Variants in SH3RF2 observed in about 807,000 individuals in gnomAD.
SH3RF2 encodes the protein E3 ubiquitin-protein ligase SH3RF2.
In SH3RF2, 43 loss-of-function variants were observed where a neutral mutation model predicts 59.0. The observed-to-expected ratio is 0.73, with a 90% CI of 0.57 to 0.94. The LOEUF (loss-of-function observed/expected upper bound fraction) is 0.94. SH3RF2 is among the 40% of genes least tolerant of loss of function. The pLI, the probability that SH3RF2 is intolerant of heterozygous loss-of-function variation, is 0.00. For missense variants in SH3RF2, 930 were observed against 940.1 expected (o/e 0.99, Z 0.14); for synonymous variants, 391 against 391.5 (o/e 1.00, Z 0.01).
chr5:146,050,300 G>A (rs1317576035), intron 7 of SH3RF2, among the ~76,000 whole-genome samples: 3 of 152,172 alleles, frequency 2.0e-5, no homozygotes, highest in Admixed American at 2.0e-4. Flanking sequence ...TCTTGGTTCA[G>A]TAAACCAAGA....
chr5:145,963,823 TTTTTTG>T (rs1452766933), intron 2 of SH3RF2, among the ~76,000 whole-genome samples: 26 of 148,978 alleles, frequency 1.7e-4, no homozygotes, highest in Admixed American at 1.6e-3. Context: ...TCTTTCTTTC[TTTTTTG>T]TTTTTTTTTT....
intron 4 of SH3RF2, among the ~76,000 whole-genome samples, chr5:146,008,109 A>T (rs1760721757): frequency 6.6e-6 from 1 of 152,238 alleles, no homozygotes; most frequent in Admixed American, 6.5e-5. Context: ...GTGATAAAAC[A>T]AAGGCTGAGC....
intron 9 of SH3RF2, among the ~76,000 whole-genome samples, chr5:146,073,161 G>A (rs963228614): frequency 7.2e-5 from 11 of 152,326 alleles, no homozygotes; most frequent in African/African-American, 2.6e-4. Context: ...CAGATAAGCT[G>A]GTCAACGGTG....
intron 9 of SH3RF2, among the ~76,000 whole-genome samples, chr5:146,070,083 G>A (rs1763201031): frequency 6.6e-6 from 1 of 151,670 alleles, no homozygotes; most frequent in Admixed American, 6.6e-5. Flanking sequence ...TACATACATT[G>A]TGTCATTTAA....
At chr5:146,008,632 T>C (rs1760746838) in intron 4 of SH3RF2, among the ~76,000 whole-genome samples, 1 of 152,196 alleles carries the variant, frequency 6.6e-6, no homozygotes, top group Admixed American at 6.5e-5. Context: ...TTTTTATTTC[T>C]TTTTTATTTA....
At chr5:145,999,900 C>A (rs2149983140) in intron 2 of SH3RF2, among the ~76,000 whole-genome samples, 158 bp from the exon 3 acceptor site, 1 of 152,226 alleles carries the variant, frequency 6.6e-6, no homozygotes, top group East Asian at 1.9e-4. Context: ...CGCTGATAGA[C>A]CTATTTAACA....
intron 4 of SH3RF2, among the ~76,000 whole-genome samples, chr5:146,012,975 CT>C (rs368721283): frequency 3.3e-4 from 49 of 148,840 alleles, no homozygotes; most frequent in East Asian, 7.8e-4. Context: ...TTTCTTGTTA[CT>C]TTTTTTTTTG....
intron 5 of SH3RF2, among the ~76,000 whole-genome samples, chr5:146,022,896 C>G (rs1159363676): frequency 6.6e-6 from 1 of 150,812 alleles, no homozygotes; most frequent in Non-Finnish European, 1.5e-5. Context: ...CACACACACA[C>G]ACACACACAC....
chr5:146,057,926 G>GTCTCTC (rs1561768225), intron 8 of SH3RF2, among the ~76,000 whole-genome samples: 1 of 136,996 alleles, frequency 7.3e-6, no homozygotes, highest in Non-Finnish European at 1.5e-5. Context: ...TGGGCTGTTA[G>GTCTCTC]TGTCTCTCTC....
intron 2 of SH3RF2, among the ~76,000 whole-genome samples, chr5:145,954,707 A>G (rs959291211): frequency 6.6e-6 from 1 of 152,186 alleles, no homozygotes; most frequent in African/African-American, 2.4e-5. Flanking sequence ...TAGAGAATGG[A>G]TAATTTATAA....
rs1760453643 is a variant in SH3RF2, at chr5:146,002,419, C to G, written c.649-1639C>G. Among the ~76,000 whole-genome samples, 4 of 150,346 alleles carry G rather than the reference C, an allele frequency of 2.7e-5. No individual in the cohort carries two copies. The Admixed American group carries it at 2.7e-4, about 10-fold the overall frequency. Reference sequence around the variant, plus strand: ...TGAGCCAAGTTCGCGCCATTGCACTCCAGCCTGGGCAACAGAGCGAGACTC... The same window carrying G: ...TGAGCCAAGTTCGCGCCATTGCACTGCAGCCTGGGCAACAGAGCGAGACTC... On this transcript the variant is annotated intron_variant, in intron 3 of 9. Coordinates refer to ENST00000359120, the MANE Select transcript of SH3RF2 (RefSeq NM_152550.4).
At position 146,000,310 on chromosome 5, in the gene SH3RF2, T is replaced by G. The variant is rs1197373467; in HGVS notation, c.631T>G (p.Cys211Gly). 6.2e-7 allele frequency: 1 copy of G among 1,613,190 alleles called. No homozygotes were observed. Among genetic ancestry groups the G allele is most frequent in the African/African-American group, 1.3e-5 (1 of 74,902 alleles). The change falls in exon 3 of 10, where the codon TGC becomes GGC. Residue 211 changes from cysteine to glycine, a missense_variant. Transcript: ENST00000359120. ...RGKDKSENQD[C>G]LTFLKDDIIT... ...CAAGGACAAGAGTGAGAACCAGGAT[T>G]GCCTGACCTTCCTCAAGGTAGGATT...
chr5:146,014,845 T>C (rs1463242006), intron 5 of SH3RF2, among the ~76,000 whole-genome samples: 2 of 152,182 alleles, frequency 1.3e-5, no homozygotes, highest in Non-Finnish European at 2.9e-5. Context: ...TGAAGACGCG[T>C]AGGGGTGGTC....
intron 2 of SH3RF2, among the ~76,000 whole-genome samples, chr5:145,996,194 G>C (rs528601978): frequency 6.6e-6 from 1 of 152,116 alleles, no homozygotes; most frequent in African/African-American, 2.4e-5. Flanking sequence ...TGATCATTGC[G>C]GATTCAGGAG....
downstream of SH3RF2, among the ~76,000 whole-genome samples, chr5:146,064,858 A>T (rs1763060986): frequency 3.3e-5 from 1 of 30,418 alleles, no homozygotes; most frequent in African/African-American, 6.2e-5. Context: ...GAAAGAAAGA[A>T]AGAAAGAGAA....
Position 146,004,143 on chromosome 5 carries a change from T to G in SH3RF2, c.734T>G (p.Leu245Trp). ...GATAAAGTAGGCATCTTCCCTATCT[T>G]GTTTGTAGAGGTACGTGAGTATCAA... ...LGDKVGIFPI[L>W]FVEPNLTARH... Residue 245 changes from leucine to tryptophan, a missense_variant, in exon 4 of 10, where the codon TTG becomes TGG. By Grantham distance (61) the Leu-to-Trp change is moderately conservative (BLOSUM62 -2). Coordinates refer to ENST00000359120, the MANE Select transcript of SH3RF2 (RefSeq NM_152550.4). 6.2e-7 allele frequency: 1 copy of G among 1,611,808 alleles called. No homozygotes were observed. Among genetic ancestry groups the G allele is most frequent in the Non-Finnish European group, 8.5e-7 (1 of 1,178,360 alleles).
At chr5:145,965,526 A>T (rs949801223) in intron 2 of SH3RF2, among the ~76,000 whole-genome samples, 61 of 152,222 alleles carry the variant, frequency 4.0e-4, no homozygotes, top group African/African-American at 1.4e-3. Context: ...GGGAAAAAAA[A>T]GTTGAAGTTC....
chr5:146,037,330 C>T (rs1277050103), intron 5 of SH3RF2, among the ~76,000 whole-genome samples: 2 of 152,156 alleles, frequency 1.3e-5, no homozygotes, highest in African/African-American at 4.8e-5. Context: ...ATCAGACAGC[C>T]CCAAAAGTCC....
rs1280453824 is a variant in SH3RF2 at position 145,938,318 on chromosome 5, C to G, written c.378+12C>G. ...TCCACATGGATGGGGTAAGAGAGAT[C>G]TTATTTGCTAATATCATGTCCACAT... On this transcript the variant is annotated intron_variant, in intron 2 of 9. Transcript: ENST00000359120. The G allele has an allele frequency of 6.6e-7, 1 of 1,516,026 alleles. No homozygotes were observed. The highest frequency in any genetic ancestry group is 2.1e-5 in the Admixed American group (1 of 47,126). The allele number at this position is 1,516,026 out of a possible 1,614,324, so 93.9% of individuals were successfully genotyped here. A position where few individuals can be genotyped will look rare whatever the true frequency, so the allele number is the denominator to read the frequency against.
Sources: gnomAD v4.1 joint callset for allele counts (sites outside exome capture counted in the v4.1 genomes callset) on GRCh38, gnomAD v4.1.1 for gene constraint, MANE v1.5 for transcripts, NCBI Gene and HGNC (gene_info 2026-07-23, HGNC 2026-07-21) for gene names.